NEK4: variants seen among roughly 807,000 people sequenced by gnomAD.
The protein encoded by NEK4 is NIMA related kinase 4, also known as serine/threonine-protein kinase Nek4.
NEK4 carries 86 observed loss-of-function variants against 98.4 expected under a neutral mutation model. The ratio of observed to expected loss-of-function variants is 0.87; its 90% CI spans 0.73 to 1.05. The LOEUF is 1.05. Ranked by LOEUF, NEK4 falls within the 50% of genes least tolerant of loss-of-function variation. The pLI is 0.00. For synonymous variants in NEK4, 328 were observed against 342.2 expected (o/e 0.96, Z 0.46); for missense variants, 898 against 950.3 (o/e 0.94, Z 0.72).
intron 15 of NEK4, among the ~76,000 whole-genome samples, chr3:52,723,134 G>A (rs897908045): frequency 2.4e-4 from 36 of 152,056 alleles, no homozygotes; most frequent in Admixed American, 5.9e-4. Flanking sequence ...GTGCCCAGGA[G>A]TTTGAGGCTG....
Position 52,760,870 on chromosome 3 carries a change from A to G in NEK4, c.888T>C (p.Ser296=), listed in dbSNP as rs779419498. 1.2e-6 allele frequency: 2 copies of G among 1,609,600 alleles called. No homozygotes were observed. Among genetic ancestry groups the G allele is most frequent in the Non-Finnish European group, 1.7e-6 (2 of 1,176,152 alleles). ...CTTCATGATTTGATTCTGCCTCTCC[A>G]GAAACCACTGTAGCAAAAGGCTTGG... ...SQSKPFATVV[S]GEAESNHEVI... is the part of the protein sequence containing the mutation. The change falls in exon 6 of 16, where the codon TCT becomes TCC. Residue 296 remains serine, a synonymous_variant. Coordinates refer to ENST00000233027, the MANE Select transcript of NEK4 (RefSeq NM_003157.6).
intron 15 of NEK4, among the ~76,000 whole-genome samples, chr3:52,718,033 A>G (rs949937355): frequency 6.6e-6 from 1 of 151,598 alleles, no homozygotes; most frequent in Non-Finnish European, 1.5e-5. Flanking sequence ...ACCTCAAGTG[A>G]TCTGCCCACC....
chr3:52,745,941 T>C (rs1289128535), intron 10 of NEK4, 120 bp downstream of exon 10: 9 of 904,420 alleles, frequency 1.0e-5, no homozygotes, highest in Non-Finnish European at 1.6e-5. Context: ...CAGGCCAGTC[T>C]TGAACTCTTG....
intron 15 of NEK4, among the ~76,000 whole-genome samples, chr3:52,715,577 G>C (rs565891509): frequency 6.6e-6 from 1 of 152,148 alleles, no homozygotes; most frequent in African/African-American, 2.4e-5. Context: ...TTTTAGTAGA[G>C]ACAGGGTTTC....
Position 52,710,096 on chromosome 3 carries a change from C to T in NEK4, c.*1681G>A, listed in dbSNP as rs2097348878. 1 of 152,300 alleles carries T rather than the reference C, an allele frequency of 6.6e-6. No individual in the cohort carries two copies. The highest frequency in any genetic ancestry group is 2.1e-4 in the South Asian group (1 of 4,830). The allele number at this position is 152,300 out of a possible 1,614,324, so 9.4% of individuals were successfully genotyped here. On this transcript the variant is annotated 3_prime_UTR_variant, in exon 16 of 16. Transcript: ENST00000233027. Reference sequence around the variant, plus strand: ...CTGTTAAGTGTGCCGGGCGCGGTGGCTCACGCCTGTAATCCCAGCACTTTG... The same window carrying T: ...CTGTTAAGTGTGCCGGGCGCGGTGGTTCACGCCTGTAATCCCAGCACTTTG...
rs148965312 is a variant in NEK4, at chr3:52,752,933, T to TATATATATATATACACACAC, written c.964-598_964-597insGTGTGTGTATATATATATAT. 2.2e-4 allele frequency among the ~76,000 whole-genome samples: 17 copies of TATATATATATATACACACAC among 75,558 alleles called. 1 individual carries two copies. The highest frequency in any genetic ancestry group is 2.0e-3 in the East Asian group (6 of 2,956). The allele number at this position is 75,558 out of a possible 152,430, so 49.6% of individuals were successfully genotyped here. ...AAAAAAAAAAATATATATATATATA[T>TATATATATATATACACACAC]ACACACACACACACACACACAATGG... On this transcript the variant is annotated intron_variant, in intron 6 of 15. Coordinates refer to ENST00000233027, the MANE Select transcript of NEK4 (RefSeq NM_003157.6).
intron 15 of NEK4, chr3:52,735,147 A>G (rs1479332232): frequency 6.5e-6 from 1 of 152,982 alleles, no homozygotes; most frequent in African/African-American, 2.4e-5. Flanking sequence ...TACTACTTTT[A>G]TTTCTACTAA....
In NEK4 at chr3:52,751,938, C is replaced by T; in HGVS notation, c.1362G>A (p.Lys454=). 6.2e-7 allele frequency: 1 copy of T among 1,612,668 alleles called. No homozygotes were observed. Among genetic ancestry groups the T allele is most frequent in the Non-Finnish European group, 8.5e-7 (1 of 1,179,510 alleles). The part of the protein sequence containing the change: ...LQPLIKEQKP[K]DQSLALSPKL... ...ATGTGTGCATATCACTCACCTGGTC[C>T]TTTGGCTTTTGTTCTTTGATTAGGG... Residue 454 remains lysine (K), a synonymous_variant, in exon 7 of 16, where the codon AAG becomes AAA. Coordinates refer to ENST00000233027, the MANE Select transcript of NEK4 (RefSeq NM_003157.6).
rs377177784 is a variant in NEK4 at position 52,746,802 on chromosome 3, G to A, written c.1609C>T (p.Arg537Trp). 40 of 1,613,876 alleles carry A rather than the reference G, an allele frequency of 2.5e-5. No individual in the cohort carries two copies. Among genetic ancestry groups the A allele is most frequent in the East Asian group, 1.6e-4 (7 of 44,888 alleles). Residue 537 changes from arginine (R) to tryptophan (W), a missense_variant, in exon 9 of 16, where the codon CGG becomes TGG. Coordinates refer to ENST00000233027, the MANE Select transcript of NEK4 (RefSeq NM_003157.6). The stretch of plus-strand genomic sequence containing the variant: ...TCAGTCTGTTCTCTCCTCTTTTGCC[G>A]TCGCTGTCGAGACAGGGAAGGTTCA... Reference protein sequence around the residue: ...GSEPSLSRQRRQKRREQTEHR... With the variant: ...GSEPSLSRQRWQKRREQTEHR...
intron 14 of NEK4, among the ~76,000 whole-genome samples, chr3:52,738,625 A>AT (rs1365063989): frequency 6.6e-6 from 1 of 151,542 alleles, no homozygotes; most frequent in African/African-American, 2.4e-5. Context: ...TAATTTTTGT[A>AT]TTTTTTGTAG....
Position 52,746,179 on chromosome 3 carries a change from G to T in NEK4, c.1709C>A (p.Ser570Tyr), listed in dbSNP as rs752938431. 1 of 1,613,742 alleles carries T rather than the reference G, an allele frequency of 6.2e-7. No homozygotes were observed. The highest frequency in any genetic ancestry group is 1.1e-5 in the South Asian group (1 of 91,026). ...FQESPPRFLPSHPIVGKVDVT... is the reference protein window; with the variant it reads ...FQESPPRFLPYHPIVGKVDVT... ...ATCCACTTTCCCAACAATGGGATGA[G>T]AAGGCAAAAATCGAGGAGGCGACTC... Residue 570 changes from serine (S) to tyrosine (Y), a missense_variant, in exon 10 of 16, where the codon TCT becomes TAT. Coordinates refer to ENST00000233027, the MANE Select transcript of NEK4 (RefSeq NM_003157.6).
chr3:52,746,830 C>G lies in NEK4; in HGVS notation c.1581G>C (p.Gly527=). 1.2e-6 allele frequency: 2 copies of G among 1,614,038 alleles called. No homozygotes were observed. Among genetic ancestry groups the G allele is most frequent in the Non-Finnish European group, 1.7e-6 (2 of 1,179,924 alleles). Residue 527 remains glycine, a synonymous_variant, in exon 9 of 16, where the codon GGG becomes GGC. Transcript: ENST00000233027. ...IHPDLQPHNS[G]SEPSLSRQRR... ...GCTGTCGAGACAGGGAAGGTTCAGA[C>G]CCAGAGTTGTGTGGCTGTAAATCTG...
chr3:52,761,702 T>TG (rs1365411245), intron 5 of NEK4, among the ~76,000 whole-genome samples: 1 of 152,200 alleles, frequency 6.6e-6, no homozygotes, highest in Non-Finnish European at 1.5e-5. Flanking sequence ...CTCCACTCTA[T>TG]CTTTCCAACT....
chr3:52,729,923 C>T (rs567726451), intron 15 of NEK4, among the ~76,000 whole-genome samples: 8 of 152,046 alleles, frequency 5.3e-5, no homozygotes, highest in African/African-American at 1.9e-4. Context: ...TCCTGGCCAA[C>T]ACGGTGAAAC....
At chr3:52,735,558 C>T (rs2097374728) in intron 15 of NEK4, among the ~76,000 whole-genome samples, 2 of 152,282 alleles carry the variant, frequency 1.3e-5, no homozygotes, top group South Asian at 2.1e-4. Context: ...ATGTGTTTTA[C>T]GATCTACTTA....
chr3:52,716,145 G>A (rs1253016149), intron 15 of NEK4, among the ~76,000 whole-genome samples: 7 of 152,154 alleles, frequency 4.6e-5, no homozygotes, highest in Admixed American at 6.5e-5. Context: ...CACACCCCTC[G>A]CCGCTCCATG....
chr3:52,744,943 T>C (rs982203425), intron 10 of NEK4, among the ~76,000 whole-genome samples: 1 of 151,756 alleles, frequency 6.6e-6, no homozygotes, highest in Non-Finnish European at 1.5e-5. Flanking sequence ...TGAGATGCAG[T>C]CTCGCTCTGT....
chr3:52,733,534 A>G, intron 15 of NEK4: 1 of 496,580 alleles, frequency 2.0e-6, no homozygotes, highest in East Asian at 5.5e-5. Context: ...TTACACACGT[A>G]ATGAATGTGG....
rs1024332757 is a variant in NEK4, at chr3:52,751,225, A to G, written c.1368+707T>C. Among the ~76,000 whole-genome samples, 19 of 151,982 alleles carry G rather than the reference A, an allele frequency of 1.3e-4. No individual in the cohort carries two copies. In the East Asian group the frequency reaches 3.7e-3, roughly 30 times the overall value. ...AATCCCAGCACTTTGGGAGGCCAAG[A>G]TGGGCAGATCACGAGGTCAGGAGAT... On this transcript the variant is annotated intron_variant, in intron 7 of 15. Transcript: ENST00000233027.
Sources: gnomAD v4.1 joint callset for allele counts (sites outside exome capture counted in the v4.1 genomes callset) on GRCh38, gnomAD v4.1.1 for gene constraint, MANE v1.5 for transcripts, NCBI Gene and HGNC (gene_info 2026-07-23, HGNC 2026-07-21) for gene names.